Variants in FKBP1A observed in about 807,000 individuals in gnomAD.
FKBP1A encodes the protein peptidyl-prolyl cis-trans isomerase FKBP1A.
Under a neutral mutation model 14.2 loss-of-function variants are expected in FKBP1A, and 5 were observed. The observed-to-expected ratio is 0.35, with a 90% CI of 0.18 to 0.74. FKBP1A has a LOEUF of 0.74. Among genes scored for constraint, FKBP1A ranks in the 30% least tolerant of loss-of-function variants. FKBP1A has a pLI of 0.56. For synonymous variants in FKBP1A, 42 were observed against 49.1 expected (o/e 0.86, Z 0.60); for missense variants, 53 against 138.8 (o/e 0.38, Z 3.10).
At chr20:1,375,651 A>G in intron 2 of FKBP1A, 48 bp from the exon 3 acceptor site, 1 of 1,342,694 alleles carries the variant, frequency 7.4e-7, no homozygotes, top group South Asian at 1.2e-5. Flanking sequence ...ATGACACAAG[A>G]CAAGTCAGAA....
rs1292403121 is a variant in FKBP1A at position 1,392,806 on chromosome 20, C to A, written c.85+28G>T. On this transcript the variant is annotated intron_variant, in intron 2 of 4. Transcript: ENST00000400137. Reference sequence around the variant, plus strand: ...CCCGGGCTGCGGACTGCGGCCCGGGCCCCCTCCCCGCTGGGCCCCCGACTC... The same window carrying A: ...CCCGGGCTGCGGACTGCGGCCCGGGACCCCTCCCCGCTGGGCCCCCGACTC... The A allele has an allele frequency of 3.4e-6, 5 of 1,474,580 alleles. No individual in the cohort carries two copies. The East Asian group carries it at 1.2e-4, about 35-fold the overall frequency. 91.3% of individuals were successfully genotyped at this position (1,474,580 alleles called of 1,614,324 possible). A position where few individuals can be genotyped will look rare whatever the true frequency, so the allele number is the denominator to read the frequency against.
At chr20:1,370,478 G>C in intron 4 of FKBP1A, 1 of 974,440 alleles carries the variant, frequency 1.0e-6, no homozygotes, top group Non-Finnish European at 1.2e-6. Context: ...TTTAGGGTTT[G>C]ACCTGGGCAT....
chr20:1,371,693 T>C, intron 4 of FKBP1A: 2 of 989,588 alleles, frequency 2.0e-6, no homozygotes, highest in Non-Finnish European at 2.4e-6. Context: ...CTCTAGCTTC[T>C]AGAAACACAG....
chr20:1,391,784 G>T (rs1260746465), intron 2 of FKBP1A: 2 of 325,706 alleles, frequency 6.1e-6, no homozygotes, highest in East Asian at 4.7e-5. Context: ...GGAGGAGGGG[G>T]AACAGAGGAA....
At chr20:1,372,724 ACCC>A (rs2089484838) in intron 3 of FKBP1A, among the ~76,000 whole-genome samples, 4 of 152,104 alleles carry the variant, frequency 2.6e-5, no homozygotes, top group African/African-American at 9.7e-5. Context: ...ATACTCTTTT[ACCC>A]ATATAGGAAA....
intron 2 of FKBP1A, chr20:1,391,793 A>T: frequency 2.6e-6 from 1 of 387,636 alleles, no homozygotes; most frequent in Non-Finnish European, 4.6e-6. Flanking sequence ...GGAACAGAGG[A>T]AAGGGTGGGA....
intron 2 of FKBP1A, among the ~76,000 whole-genome samples, chr20:1,384,551 T>C (rs965543634): frequency 3.9e-5 from 6 of 152,232 alleles, no homozygotes; most frequent in Non-Finnish European, 8.8e-5. Context: ...GAGTTTGAAA[T>C]CAAATGTTTA....
rs1568589043 is a variant in FKBP1A at position 1,379,988 on chromosome 20, C to T, written c.86-4385G>A. ...AATTATGCTGTTCAGTCTGTAATGTCAAAACAGATAGTGAGAACTTCCATT... is the reference window on the plus strand; with the variant it reads ...AATTATGCTGTTCAGTCTGTAATGTTAAAACAGATAGTGAGAACTTCCATT... On this transcript the variant is annotated intron_variant, in intron 2 of 4. Transcript: ENST00000400137. This position sits in a 1 kb window ranked among gnomAD's most constrained non-coding sequence, Gnocchi z 4.3. Among the ~76,000 whole-genome samples the T allele has an allele frequency of 6.6e-6, 1 of 151,918 alleles. No homozygotes were observed. The highest frequency in any genetic ancestry group is 1.5e-5 in the Non-Finnish European group (1 of 68,004).
rs2089592260 is a variant in FKBP1A, at chr20:1,379,387, T to C, written c.86-3784A>G. 6.6e-6 allele frequency among the ~76,000 whole-genome samples: 1 copy of C among 152,144 alleles called. No individual in the cohort carries two copies. The highest frequency in any genetic ancestry group is 2.4e-5 in the African/African-American group (1 of 41,426). ...TGCTGCTGCTGAGCCAGCATGGAGA[T>C]GTGTATGTTCTTCAGTGGCTCTATG... On this transcript the variant is annotated intron_variant, in intron 2 of 4. Coordinates refer to ENST00000400137, the MANE Select transcript of FKBP1A (RefSeq NM_000801.5). This position sits in a 1 kb window ranked among gnomAD's most constrained non-coding sequence, Gnocchi z 4.3.
At chr20:1,372,300 G>A (rs1335227977) in intron 3 of FKBP1A, 60 bp from the exon 4 acceptor site, 16 of 1,573,566 alleles carry the variant, frequency 1.0e-5, no homozygotes, top group Non-Finnish European at 1.1e-5. Context: ...GTCTCTGTAA[G>A]AAAAAGAGCT....
At chr20:1,381,689 G>A (rs577442413) in intron 2 of FKBP1A, among the ~76,000 whole-genome samples, 1 of 152,248 alleles carries the variant, frequency 6.6e-6, no homozygotes, top group East Asian at 1.9e-4. Flanking sequence ...ATCCACCAAC[G>A]GGTAAGTTGG....
intron 3 of FKBP1A, chr20:1,373,222 A>C (rs567285850): frequency 1.3e-5 from 2 of 152,322 alleles, no homozygotes; most frequent in South Asian, 4.1e-4. Context: ...ATATTCCTTG[A>C]CTCAGCAATT....
At chr20:1,392,785 G>C in intron 2 of FKBP1A, 49 bp downstream of exon 2, 1 of 1,428,578 alleles carries the variant, frequency 7.0e-7, no homozygotes, top group Non-Finnish European at 9.3e-7. Context: ...GCCGCACCCG[G>C]GCTGCGGACT....
chr20:1,375,267 A>G (rs1484949243), intron 3 of FKBP1A: 6 of 589,702 alleles, frequency 1.0e-5, no homozygotes, highest in Non-Finnish European at 1.8e-5. Flanking sequence ...GCAAAACAGT[A>G]TGTGTGTGAA....
rs1374718639 is a variant in FKBP1A, at chr20:1,391,842, AT to A, written c.85+991del. Reference sequence around the variant, plus strand: ...GGAAGGAGGAGGGGGAGGGAAGGTTATTCGTATCAACAACTGTGGCTACACC... The same window carrying A: ...GGAAGGAGGAGGGGGAGGGAAGGTTATCGTATCAACAACTGTGGCTACACC... On this transcript the variant is annotated intron_variant, in intron 2 of 4. Transcript: ENST00000400137. 3.6e-5 allele frequency: 14 copies of A among 390,562 alleles called. No homozygotes were observed. In the East Asian group the frequency reaches 5.1e-4, roughly 14 times the overall value. The allele number at this position is 390,562 out of a possible 1,614,324, so 24.2% of individuals were successfully genotyped here.
At position 1,387,474 on chromosome 20, in the gene FKBP1A, T is replaced by C. The variant is rs143104518; in HGVS notation, c.85+5360A>G. On this transcript the variant is annotated intron_variant, in intron 2 of 4. Transcript: ENST00000400137. ...CAGCCCACAGTACAGTCAAAGCAAA[T>C]AGAGGGGGAAAAAGTCACTTGCCCC... Among the ~76,000 whole-genome samples the C allele has an allele frequency of 8.5e-5, 13 of 152,198 alleles. 1 individual carries two copies. In the East Asian group the frequency reaches 2.3e-3, roughly 27 times the overall value.
chr20:1,392,801 C>T, intron 2 of FKBP1A, 33 bp downstream of exon 2: 1 of 1,472,616 alleles, frequency 6.8e-7, no homozygotes, highest in Non-Finnish European at 9.0e-7. Context: ...GGACTGCGGC[C>T]CGGGCCCCCT....
chr20:1,374,994 G>A (rs1221975947), intron 3 of FKBP1A, among the ~76,000 whole-genome samples: 7 of 152,076 alleles, frequency 4.6e-5, no homozygotes, highest in South Asian at 2.1e-4. Flanking sequence ...CTGCCACCAC[G>A]CCCGGCTAAT....
intron 4 of FKBP1A, chr20:1,370,787 T>C: frequency 2.0e-6 from 2 of 985,360 alleles, no homozygotes; most frequent in Non-Finnish European, 2.4e-6. Context: ...AGGAAAATAA[T>C]TCCAAGGCTC....
Sources: allele counts gnomAD v4.1 joint callset (sites outside exome capture counted in the v4.1 genomes callset), GRCh38; gene constraint gnomAD v4.1.1; non-coding constraint Gnocchi (gnomAD v3.1); transcripts MANE v1.5; gene names NCBI Gene and HGNC (gene_info 2026-07-23, HGNC 2026-07-21).